UBR2: variants seen among roughly 807,000 people sequenced by gnomAD.
UBR2 encodes the protein ubiquitin protein ligase E3 component n-recognin 2, also known as E3 ubiquitin-protein ligase UBR2.
Under a neutral mutation model 247.9 loss-of-function variants are expected in UBR2, and 92 were observed. That is an observed-to-expected ratio of 0.37 (90% CI 0.31 to 0.44). The LOEUF (loss-of-function observed/expected upper bound fraction) is 0.44, where lower values mean the gene tolerates loss of function less well. Among genes scored for constraint, UBR2 ranks in the 20% least tolerant of loss-of-function variants. The pLI is 1.00. For synonymous variants in UBR2, 672 were observed against 693.5 expected (o/e 0.97, Z 0.49); for missense variants, 1,613 against 2,112.6 (o/e 0.76, Z 4.64).
intron 42 of UBR2, among the ~76,000 whole-genome samples, chr6:42,682,560 C>T (rs370212234): frequency 6.6e-6 from 1 of 152,208 alleles, no homozygotes; most frequent in South Asian, 2.1e-4. Context: ...GCTGCGACTA[C>T]AGGCACATGC....
chr6:42,564,431 C>T (rs1790656469), intron 1 of UBR2, 34 bp downstream of exon 1: 2 of 1,593,586 alleles, frequency 1.3e-6, no homozygotes, highest in Non-Finnish European at 1.7e-6. Flanking sequence ...TGCGTCTGCC[C>T]CTCGCAGGCC....
intron 30 of UBR2, 85 bp from the exon 31 acceptor site, chr6:42,662,099 G>A: frequency 1.2e-6 from 1 of 866,204 alleles, no homozygotes; most frequent in Non-Finnish European, 1.8e-6. Flanking sequence ...CTTTATCAAG[G>A]ATTTTACAAT....
intron 9 of UBR2, 43 bp from the exon 10 acceptor site, chr6:42,615,959 G>A: frequency 7.4e-7 from 1 of 1,357,638 alleles, no homozygotes; most frequent in Non-Finnish European, 1.0e-6. Context: ...AAATGTAATT[G>A]TTGGGCGTGT....
At chr6:42,643,218 CT>C (rs1319704672) in intron 18 of UBR2, among the ~76,000 whole-genome samples, 1 of 152,090 alleles carries the variant, frequency 6.6e-6, no homozygotes, top group African/African-American at 2.4e-5. Context: ...TATCTTGTTT[CT>C]TTTTTTGTCC....
chr6:42,644,377 A>T, intron 19 of UBR2, 41 bp downstream of exon 19: 1 of 1,607,194 alleles, frequency 6.2e-7, no homozygotes, highest in Non-Finnish European at 8.5e-7. Flanking sequence ...ATTGCTAAAG[A>T]AGCATCTTTC....
intron 6 of UBR2, 132 bp from the exon 7 acceptor site, chr6:42,606,457 A>G: frequency 1.4e-6 from 1 of 719,528 alleles, no homozygotes; most frequent in Non-Finnish European, 2.2e-6. Flanking sequence ...CTTATCAATG[A>G]GTAGGATGAG....
intron 7 of UBR2, among the ~76,000 whole-genome samples, chr6:42,607,834 A>G (rs1321324675): frequency 1.3e-5 from 2 of 148,358 alleles, no homozygotes; most frequent in Non-Finnish European, 3.0e-5. Flanking sequence ...TTTATATTTC[A>G]TATATTAAAT....
chr6:42,574,882 A>G (rs1052001419), intron 2 of UBR2, among the ~76,000 whole-genome samples: 1 of 152,028 alleles, frequency 6.6e-6, no homozygotes, highest in Non-Finnish European at 1.5e-5. Context: ...TATTTTTAAT[A>G]GAGACGGGGT....
chr6:42,600,026 T>C (rs937560009), intron 4 of UBR2, among the ~76,000 whole-genome samples: 2 of 152,206 alleles, frequency 1.3e-5, no homozygotes, highest in African/African-American at 2.4e-5. Context: ...ATGAGATAAT[T>C]GAGGTTGTTT....
Position 42,658,239 on chromosome 6 carries a change from G to A in UBR2, c.2983-1G>A. ...GGATACTGATACTTTTTTTTTTGTA[G>A]ACTTTTAATGCTGTTAAAAAGATGA... is the stretch of plus-strand genomic sequence containing the variant. On this transcript the variant is annotated splice_acceptor_variant, in intron 27 of 46. Transcript: ENST00000372901. LOFTEE classifies it high-confidence loss of function. 6.2e-7 allele frequency: 1 copy of A among 1,607,548 alleles called. No homozygotes were observed. The highest frequency in any genetic ancestry group is 8.5e-7 in the Non-Finnish European group (1 of 1,177,996).
intron 1 of UBR2, among the ~76,000 whole-genome samples, chr6:42,564,793 C>T (rs569229843): frequency 6.6e-6 from 1 of 152,236 alleles, no homozygotes; most frequent in South Asian, 2.1e-4. Context: ...TAGTTAATTG[C>T]TTTTCCTGAG....
intron 8 of UBR2, among the ~76,000 whole-genome samples, chr6:42,612,807 T>G (rs9381202): frequency 0.29 from 44,204 of 152,102 alleles, 6,527 homozygotes; most frequent in Non-Finnish European, 0.32. Context: ...TTTGCGTTTT[T>G]AAAAAATTTT....
In UBR2 at chr6:42,683,148, G is replaced by A. The variant is rs577107674; in HGVS notation, c.4775+37G>A. The stretch of plus-strand genomic sequence containing the variant: ...AGCCTCAAAAACTTTATTGAGGTGG[G>A]AGAAAGGGTGGAATCAGGATATAAG... On this transcript the variant is annotated intron_variant, in intron 43 of 46. Coordinates refer to ENST00000372901, the MANE Select transcript of UBR2 (RefSeq NM_001363705.2). 53 of 1,550,984 alleles carry A rather than the reference G, an allele frequency of 3.4e-5. No individual in the cohort carries two copies. In the South Asian group the frequency reaches 5.7e-4, roughly 17 times the overall value.
At chr6:42,603,784 T>C in intron 5 of UBR2, 66 bp downstream of exon 5, 2 of 1,449,298 alleles carry the variant, frequency 1.4e-6, no homozygotes, top group Non-Finnish European at 1.8e-6. Context: ...ACACAGCTAG[T>C]ATAGGGCATA....
At chr6:42,648,655 G>A (rs1021246603) in intron 22 of UBR2, among the ~76,000 whole-genome samples, 4 of 151,926 alleles carry the variant, frequency 2.6e-5, no homozygotes, top group African/African-American at 9.7e-5. Context: ...CAATGACAAT[G>A]TATTCATTTT....
intron 26 of UBR2, among the ~76,000 whole-genome samples, chr6:42,655,939 A>C (rs1192260999): frequency 1.3e-5 from 2 of 152,190 alleles, no homozygotes; most frequent in Non-Finnish European, 2.9e-5. Flanking sequence ...AGTTACAGTC[A>C]GCTGTGGTTG....
In UBR2 at chr6:42,592,142, A is replaced by C. The variant is rs1440477092; in HGVS notation, c.339-9A>C. 5 of 1,597,894 alleles carry C rather than the reference A, an allele frequency of 3.1e-6. No homozygotes were observed. Among genetic ancestry groups the C allele is most frequent in the Non-Finnish European group, 4.3e-6 (5 of 1,175,370 alleles). On this transcript the variant is annotated splice_polypyrimidine_tract_variant and intron_variant, in intron 2 of 46. Coordinates refer to ENST00000372901, the MANE Select transcript of UBR2 (RefSeq NM_001363705.2). ...CTGACACTTTGATTTTTTTTTTTTA[A>C]CTTTACAGAGACTGTGCAGTTGATC...
intron 2 of UBR2, among the ~76,000 whole-genome samples, chr6:42,578,972 AACACAC>A (rs35575176): frequency 0.22 from 32,674 of 148,846 alleles, 3,516 homozygotes; most frequent in African/African-American, 0.25. Context: ...CACACACACA[AACACAC>A]ACACACACAC....
chr6:42,690,895 C>A, intron 46 of UBR2, 137 bp from the exon 47 acceptor site: 1 of 1,092,572 alleles, frequency 9.2e-7, no homozygotes, highest in Non-Finnish European at 1.3e-6. Context: ...TTAATAGCCA[C>A]AGTCACCTGC....
Sources: allele counts gnomAD v4.1 joint callset (sites outside exome capture counted in the v4.1 genomes callset), GRCh38; gene constraint gnomAD v4.1.1; transcripts MANE v1.5; gene names NCBI Gene and HGNC (gene_info 2026-07-23, HGNC 2026-07-21).